Variants in NETO2 observed in about 807,000 individuals in gnomAD.
NETO2 encodes neuropilin and tolloid-like protein 2.
Under a neutral mutation model 62.5 loss-of-function variants are expected in NETO2, and 28 were observed. The ratio of observed to expected loss-of-function variants is 0.45; its 90% confidence interval spans 0.33 to 0.61. The LOEUF is 0.61. Among genes scored for constraint, NETO2 ranks in the 20% least tolerant of loss-of-function variants. The pLI is 0.02. For synonymous variants in NETO2, 214 were observed against 219.1 expected, an observed-to-expected ratio of 0.98 and a Z score of 0.21; for missense variants, 548 against 643.2, an observed-to-expected ratio of 0.85 and a Z score of 1.60.
chr16:47,128,628 G>C, intron 3 of NETO2, 55 bp from the exon 4 acceptor site: 1 of 1,560,612 alleles, frequency 6.4e-7, no homozygotes, highest in Non-Finnish European at 8.6e-7. Context: ...GAATATAAAT[G>C]TATTGACACA....
chr16:47,123,757 G>T (rs1160476514), intron 4 of NETO2, among the ~76,000 whole-genome samples: 1 of 152,166 alleles, frequency 6.6e-6, no homozygotes, highest in East Asian at 1.9e-4. Context: ...GAGTACAGTG[G>T]CACAATCTCG....
intron 7 of NETO2, among the ~76,000 whole-genome samples, chr16:47,099,856 A>G (rs1028426865): frequency 6.6e-6 from 1 of 152,214 alleles, no homozygotes; most frequent in African/African-American, 2.4e-5. Flanking sequence ...CCACACAATA[A>G]TAGTGAAAGA....
At chr16:47,099,852 A>G (rs2143854122) in intron 7 of NETO2, among the ~76,000 whole-genome samples, 1 of 152,320 alleles carries the variant, frequency 6.6e-6, no homozygotes, top group East Asian at 1.9e-4. Context: ...ACTCCCACAC[A>G]ATAATAGTGA....
At chr16:47,120,146 T>C (rs114254910) in intron 6 of NETO2, among the ~76,000 whole-genome samples, 1 of 152,370 alleles carries the variant, frequency 6.6e-6, no homozygotes, top group African/African-American at 2.4e-5. Context: ...TTTAAGGCTA[T>C]ATTAATACCT....
At chr16:47,123,173 C>T (rs1036144599) in intron 4 of NETO2, among the ~76,000 whole-genome samples, 4 of 152,132 alleles carry the variant, frequency 2.6e-5, no homozygotes, top group Admixed American at 2.6e-4. Flanking sequence ...AACAGGTAAA[C>T]GGAACATCAC....
intron 7 of NETO2, among the ~76,000 whole-genome samples, chr16:47,104,433 A>G (rs2143875020): frequency 6.6e-6 from 1 of 152,364 alleles, no homozygotes; most frequent in Non-Finnish European, 1.5e-5. Context: ...AAGACTTCAT[A>G]CAGTTAAGAT....
chr16:47,087,831 A>G lies in NETO2; in HGVS notation c.884-1492T>C, dbSNP rs140710062. On this transcript the variant is annotated intron_variant, in intron 7 of 8. Coordinates refer to ENST00000562435, the MANE Select transcript of NETO2 (RefSeq NM_018092.5). ...GAAAATCCCCTTGCTTCTCTGGGGT[A>G]GCCAGTCGCTCCTGTGTGTTCCTAT... Among the ~76,000 whole-genome samples, 74 of 152,226 alleles carry G rather than the reference A, an allele frequency of 4.9e-4. No homozygotes were observed. In the East Asian group the frequency reaches 0.014, roughly 29 times the overall value.
intron 1 of NETO2, among the ~76,000 whole-genome samples, chr16:47,140,708 GT>G (rs1567403354): frequency 6.6e-6 from 1 of 152,114 alleles, no homozygotes; most frequent in Non-Finnish European, 1.5e-5. Flanking sequence ...TAAAGGACAA[GT>G]TTTTCAGTAC....
intron 7 of NETO2, among the ~76,000 whole-genome samples, chr16:47,104,100 C>G (rs1425038865): frequency 6.6e-6 from 1 of 152,116 alleles, no homozygotes; most frequent in Admixed American, 6.6e-5. Flanking sequence ...ACAGACAACA[C>G]AATCTTATAT....
At chr16:47,116,741 G>A (rs982262659) in intron 6 of NETO2, among the ~76,000 whole-genome samples, 5 of 152,054 alleles carry the variant, frequency 3.3e-5, no homozygotes, top group African/African-American at 1.2e-4. Flanking sequence ...ACCCATCTAG[G>A]CCTAGAGTTT....
intron 7 of NETO2, among the ~76,000 whole-genome samples, chr16:47,103,676 T>C (rs2143871559): frequency 6.6e-6 from 1 of 152,200 alleles, no homozygotes; most frequent in East Asian, 1.9e-4. Context: ...TATAAAATGA[T>C]TATACACCAA....
At position 47,129,121 on chromosome 16, in the gene NETO2, T is replaced by C. The variant is rs1465714807; in HGVS notation, c.232+103A>G. ...ATTACTACAGTTTAATTCAAATACA[T>C]GTTTAAATTTCATTCAAACTGGTTT... On this transcript the variant is annotated intron_variant, in intron 3 of 8. Transcript: ENST00000562435. The C allele has an allele frequency of 3.9e-6, 4 of 1,032,180 alleles. No individual in the cohort carries two copies. The South Asian group carries it at 4.3e-5, about 11-fold the overall frequency. 63.9% of individuals were successfully genotyped at this position (1,032,180 alleles called of 1,614,324 possible). A position where few individuals can be genotyped will look rare whatever the true frequency, so the allele number is the denominator to read the frequency against.
chr16:47,142,621 T>C (rs1417692935), intron 1 of NETO2, among the ~76,000 whole-genome samples: 1 of 152,204 alleles, frequency 6.6e-6, no homozygotes, highest in African/African-American at 2.4e-5. Context: ...AGCTTTCAAT[T>C]TAAATCAGCA....
intron 6 of NETO2, among the ~76,000 whole-genome samples, chr16:47,115,697 TTATATATATATATATACA>T (rs1192319613): frequency 7.6e-5 from 9 of 117,882 alleles, no homozygotes; most frequent in African/African-American, 3.5e-4. Flanking sequence ...CGGCTAATTT[TTATATATATATATATACA>T]TATATATATA....
Position 47,122,646 on chromosome 16 carries a change from C to T in NETO2, c.654+11G>A, listed in dbSNP as rs373050733. The T allele has an allele frequency of 3.7e-6, 6 of 1,611,364 alleles. No homozygotes were observed. Among genetic ancestry groups the T allele is most frequent in the Non-Finnish European group, 4.2e-6 (5 of 1,179,342 alleles). ...TGTTCTTCTCTGAAGCGACTCAATA[C>T]ATAATAATACCTTAGCTTTTGGAGT... is the stretch of plus-strand genomic sequence containing the variant. On this transcript the variant is annotated intron_variant, in intron 6 of 8. Coordinates refer to ENST00000562435, the MANE Select transcript of NETO2 (RefSeq NM_018092.5).
In NETO2 at chr16:47,109,480, T is replaced by C; in HGVS notation, c.883+3A>G. ...CTCAATACTATAGGAATTATTTACTTACGCTCCACAAAGGAAGTAAAGAGC... is the reference window on the plus strand; with the variant it reads ...CTCAATACTATAGGAATTATTTACTCACGCTCCACAAAGGAAGTAAAGAGC... On this transcript the variant is annotated splice_donor_region_variant and intron_variant, in intron 7 of 8. Transcript: ENST00000562435. 1 of 1,607,158 alleles carries C rather than the reference T, an allele frequency of 6.2e-7. No homozygotes were observed. The highest frequency in any genetic ancestry group is 8.5e-7 in the Non-Finnish European group (1 of 1,173,800).
chr16:47,086,418 T>C (rs1263754709), intron 7 of NETO2, 79 bp from the exon 8 acceptor site: 2 of 902,394 alleles, frequency 2.2e-6, no homozygotes, highest in Non-Finnish European at 3.6e-6. Flanking sequence ...TCTGACTTTA[T>C]AAGAGTACTT....
At chr16:47,129,514 G>T in intron 2 of NETO2, 150 bp from the exon 3 acceptor site, 1 of 784,702 alleles carries the variant, frequency 1.3e-6, no homozygotes, top group Non-Finnish European at 2.0e-6. Flanking sequence ...AATAAATTGA[G>T]TACAGAAGTG....
Position 47,100,484 on chromosome 16 carries a change from C to CA in NETO2, c.883+8998dup, listed in dbSNP as rs538875578. On this transcript the variant is annotated intron_variant, in intron 7 of 8. Coordinates refer to ENST00000562435, the MANE Select transcript of NETO2 (RefSeq NM_018092.5). Reference sequence around the variant, plus strand: ...AGCAGAACTGAAGGAGACAGAGACACAAAAAAAAACAAAAGCAATGAGTCC... The same window carrying CA: ...AGCAGAACTGAAGGAGACAGAGACACAAAAAAAAAACAAAAGCAATGAGTCC... Among the ~76,000 whole-genome samples the CA allele has an allele frequency of 5.1e-3, 746 of 145,870 alleles. 5 individuals carry two copies. The highest frequency in any genetic ancestry group is 0.014 in the African/African-American group (555 of 39,736).
Sources: allele counts gnomAD v4.1 joint callset (sites outside exome capture counted in the v4.1 genomes callset), GRCh38; gene constraint gnomAD v4.1.1; transcripts MANE v1.5; gene names NCBI Gene and HGNC (gene_info 2026-07-23, HGNC 2026-07-21).